WASF1: variants seen among roughly 807,000 people sequenced by gnomAD.
WASF1 encodes WASP family member 1.
A neutral mutation model predicts 50.5 loss-of-function variants in WASF1; 7 were observed. The ratio of observed to expected loss-of-function variants is 0.14; its 90% CI spans 0.08 to 0.26. The LOEUF is 0.26. Among genes scored for constraint, WASF1 ranks in the 10% least tolerant of loss-of-function variants. The pLI is 1.00. For missense variants in WASF1, 470 were observed against 694.7 expected (o/e 0.68, Z 3.64); for synonymous variants, 205 against 244.0 (o/e 0.84, Z 1.49).
chr6:110,105,516 G>C lies in WASF1; in HGVS notation c.604C>G (p.Arg202Gly). 1 of 1,613,916 alleles carries C rather than the reference G, an allele frequency of 6.2e-7. No homozygotes were observed. The highest frequency in any genetic ancestry group is 1.7e-4 in the Middle Eastern group (1 of 6,054). Reference sequence around the variant, plus strand: ...CCTTGGGCCAGCTTCTGCCATTCTCGCCGCCTGTCATGAGGTGCTCTTGGC... The same window carrying C: ...CCTTGGGCCAGCTTCTGCCATTCTCCCCGCCTGTCATGAGGTGCTCTTGGC... ...KVPRAPHDRR[R>G]EWQKLAQGPE... Residue 202 changes from arginine to glycine, a missense_variant, in exon 8 of 11, where the codon CGA becomes GGA. Coordinates refer to ENST00000392589, the MANE Select transcript of WASF1 (RefSeq NM_003931.3).
chr6:110,170,247 G>A (rs112713249), intron 2 of WASF1, among the ~76,000 whole-genome samples: 8 of 152,220 alleles, frequency 5.3e-5, no homozygotes, highest in Middle Eastern at 6.8e-3. Context: ...GGGTGAAACA[G>A]AGGTTCCTTC....
intron 4 of WASF1, among the ~76,000 whole-genome samples, chr6:110,123,662 GT>G (rs1180706981): frequency 1.3e-5 from 2 of 152,148 alleles, no homozygotes; most frequent in Non-Finnish European, 1.5e-5. Context: ...TTAATATAAG[GT>G]AAGAGCAACA....
At chr6:110,138,039 T>TACTACCA (rs1410636156) in intron 3 of WASF1, among the ~76,000 whole-genome samples, 1 of 152,190 alleles carries the variant, frequency 6.6e-6, no homozygotes, top group Non-Finnish European at 1.5e-5. Context: ...GCGCAGCTCA[T>TACTACCA]ACTACCAGCC....
intron 4 of WASF1, among the ~76,000 whole-genome samples, chr6:110,116,876 T>C (rs565378834): frequency 1.8e-4 from 27 of 152,090 alleles, no homozygotes; most frequent in Non-Finnish European, 3.4e-4. Flanking sequence ...CTGGTGGTGA[T>C]ACCCAGGCAA....
At chr6:110,150,076 A>G (rs1252625510) in intron 3 of WASF1, among the ~76,000 whole-genome samples, 1 of 152,176 alleles carries the variant, frequency 6.6e-6, no homozygotes, top group Non-Finnish European at 1.5e-5. Flanking sequence ...AAATTTCACA[A>G]TACCCTAAAA....
At chr6:110,105,658 CT>C in intron 7 of WASF1, 79 bp from the exon 8 acceptor site, 1 of 1,345,250 alleles carries the variant, frequency 7.4e-7, no homozygotes, top group South Asian at 1.3e-5. Context: ...TCAAATTAAA[CT>C]CTAACATCAA....
At chr6:110,177,979 A>T (rs1777005108) in intron 2 of WASF1, among the ~76,000 whole-genome samples, 1 of 151,892 alleles carries the variant, frequency 6.6e-6, no homozygotes, top group African/African-American at 2.4e-5. Context: ...CAGGTAGATC[A>T]CGCAAAACTG....
intron 3 of WASF1, among the ~76,000 whole-genome samples, chr6:110,141,250 G>C (rs756908112): frequency 1.3e-5 from 2 of 152,028 alleles, no homozygotes; most frequent in African/African-American, 4.8e-5. Flanking sequence ...TCAGGATTTA[G>C]CCCACCTCCT....
intron 5 of WASF1, among the ~76,000 whole-genome samples, chr6:110,110,912 G>A (rs1773524485): frequency 2.0e-5 from 3 of 151,746 alleles, no homozygotes; most frequent in East Asian, 1.9e-4. Flanking sequence ...TTCAAATTAA[G>A]TAGTTCAGCT....
At chr6:110,132,243 G>A (rs905271027) in intron 3 of WASF1, among the ~76,000 whole-genome samples, 2 of 151,638 alleles carry the variant, frequency 1.3e-5, no homozygotes, top group Non-Finnish European at 2.9e-5. Flanking sequence ...TAACCTATCT[G>A]CAATTATTTT....
chr6:110,179,243 C>T (rs1419501376), intron 1 of WASF1, among the ~76,000 whole-genome samples, 196 bp downstream of exon 1: 1 of 152,142 alleles, frequency 6.6e-6, no homozygotes, highest in South Asian at 2.1e-4. Flanking sequence ...GGCACCCAGC[C>T]CCGCTGGCGG....
rs1350674270 is a variant in WASF1, at chr6:110,119,744, G to A, written c.134-6284C>T. Among the ~76,000 whole-genome samples, 4 of 152,242 alleles carry A rather than the reference G, an allele frequency of 2.6e-5. No homozygotes were observed. The East Asian group carries it at 7.7e-4, about 29-fold the overall frequency. Reference sequence around the variant, plus strand: ...CTGGTAGAGACACAACAAAAAAAGAGAATTTTAGGCCAATATCTCTGATGA... The same window carrying A: ...CTGGTAGAGACACAACAAAAAAAGAAAATTTTAGGCCAATATCTCTGATGA... On this transcript the variant is annotated intron_variant, in intron 4 of 10. Coordinates refer to ENST00000392589, the MANE Select transcript of WASF1 (RefSeq NM_003931.3).
chr6:110,166,117 T>C (rs1399667802), intron 2 of WASF1, among the ~76,000 whole-genome samples: 3 of 151,678 alleles, frequency 2.0e-5, no homozygotes, highest in East Asian at 3.9e-4. Flanking sequence ...CGATAAGCCA[T>C]TTATTCTATA....
At chr6:110,142,109 TA>T (rs1775269947) in intron 3 of WASF1, among the ~76,000 whole-genome samples, 1 of 152,146 alleles carries the variant, frequency 6.6e-6, no homozygotes, top group Non-Finnish European at 1.5e-5. Context: ...TTGAGAAAAA[TA>T]ATATCTTACA....
At chr6:110,100,912 C>T (rs141262270) in intron 10 of WASF1, among the ~76,000 whole-genome samples, 17 of 152,164 alleles carry the variant, frequency 1.1e-4, no homozygotes, top group Non-Finnish European at 1.5e-4. Context: ...GTTTATTTAT[C>T]CATCATGGTC....
intron 3 of WASF1, among the ~76,000 whole-genome samples, chr6:110,153,622 C>A (rs1322781004): frequency 6.6e-6 from 1 of 152,002 alleles, no homozygotes; most frequent in Non-Finnish European, 1.5e-5. Flanking sequence ...AAAGCTAACA[C>A]AAGACTGGAC....
At chr6:110,148,290 G>A (rs1775669620) in intron 3 of WASF1, among the ~76,000 whole-genome samples, 5 of 151,958 alleles carry the variant, frequency 3.3e-5, no homozygotes, top group Admixed American at 3.3e-4. Flanking sequence ...AATAAGTACT[G>A]TGTGCCAAGT....
chr6:110,112,845 A>G (rs1348717304), intron 5 of WASF1, among the ~76,000 whole-genome samples: 2 of 149,486 alleles, frequency 1.3e-5, no homozygotes, highest in Admixed American at 1.3e-4. Flanking sequence ...GGTTGCAGTG[A>G]GCCGAGATTG....
rs558050653 is a variant in WASF1 at position 110,129,874 on chromosome 6, C to T, written c.-28-2245G>A. On this transcript the variant is annotated intron_variant, in intron 3 of 10. Coordinates refer to ENST00000392589, the MANE Select transcript of WASF1 (RefSeq NM_003931.3). ...TGTCTTGACAAAAATTTTTAAAGAG[C>T]GTACGTTAAAATACTGTAATTTTCC... Among the ~76,000 whole-genome samples the T allele has an allele frequency of 2.2e-3, 328 of 152,182 alleles. 1 individual carries two copies. Among genetic ancestry groups the T allele is most frequent in the African/African-American group, 7.2e-3 (301 of 41,522 alleles).
Sources: gnomAD v4.1 joint callset for allele counts (sites outside exome capture counted in the v4.1 genomes callset) on GRCh38, gnomAD v4.1.1 for gene constraint, MANE v1.5 for transcripts, NCBI Gene and HGNC (gene_info 2026-07-23, HGNC 2026-07-21) for gene names.